The following CACNA2D3 variants were observed in gnomAD, a reference collection of about 807,000 sequenced individuals.
CACNA2D3 encodes the protein calcium voltage-gated channel auxiliary subunit alpha2delta 3, also known as voltage-dependent calcium channel subunit alpha-2/delta-3.
In CACNA2D3, 60 loss-of-function variants were observed where a neutral mutation model predicts 160.6. The observed-to-expected ratio is 0.37, with a 90% confidence interval of 0.30 to 0.46. The LOEUF is 0.46. CACNA2D3 is among the 20% of genes least tolerant of loss of function. The pLI is 1.00. For missense variants in CACNA2D3, 1,205 were observed against 1,365.0 expected (o/e 0.88, Z 1.85); for synonymous variants, 558 against 492.9 (o/e 1.13, Z -1.75).
intron 11 of CACNA2D3, among the ~76,000 whole-genome samples, chr3:54,725,499 A>G (rs1701259244): frequency 6.6e-6 from 1 of 152,220 alleles, no homozygotes; most frequent in African/African-American, 2.4e-5. Flanking sequence ...ATTAACATTG[A>G]TGCAAAAATC....
rs542377313 is a variant in CACNA2D3, at chr3:54,261,154, G to A, written c.205-59288G>A. ...TCCTCTGAGCCATGGCACCATTTAA[G>A]TAAGTTAAACAATTTATTTTAGCAT... On this transcript the variant is annotated intron_variant, in intron 2 of 37. Transcript: ENST00000474759. Among the ~76,000 whole-genome samples the A allele has an allele frequency of 3.9e-4, 59 of 152,272 alleles. 1 individual carries two copies. The highest frequency in any genetic ancestry group is 1.3e-3 in the African/African-American group (56 of 41,568).
intron 17 of CACNA2D3, among the ~76,000 whole-genome samples, chr3:54,871,177 G>T (rs935739096): frequency 7.7e-6 from 1 of 130,706 alleles, no homozygotes; most frequent in African/African-American, 3.4e-5. Flanking sequence ...TACCATATAG[G>T]TGGAGACACA....
chr3:54,618,370 T>C (rs1698903069), intron 9 of CACNA2D3, among the ~76,000 whole-genome samples: 1 of 82,286 alleles, frequency 1.2e-5, no homozygotes, highest in African/African-American at 5.6e-5. Context: ...TATATATATA[T>C]ATATGCACAC....
chr3:54,410,520 A>G (rs1699649048), intron 4 of CACNA2D3, among the ~76,000 whole-genome samples: 2 of 152,158 alleles, frequency 1.3e-5, no homozygotes, highest in Admixed American at 1.3e-4. Context: ...GTTATGCTAA[A>G]TCTACCATAC....
intron 31 of CACNA2D3, among the ~76,000 whole-genome samples, chr3:54,994,678 C>T (rs1293439447): frequency 6.6e-6 from 1 of 152,150 alleles, no homozygotes; most frequent in Non-Finnish European, 1.5e-5. Context: ...ACATGCATTA[C>T]CTTAATTAAT....
chr3:54,456,293 A>C (rs994072358), intron 4 of CACNA2D3, among the ~76,000 whole-genome samples: 1 of 151,730 alleles, frequency 6.6e-6, no homozygotes, highest in Admixed American at 6.6e-5. Context: ...ATTTATTCTT[A>C]AGTATTTTAT....
Position 54,503,645 on chromosome 3 carries a change from T to C in CACNA2D3, c.535T>C (p.Tyr179His). ...LSDVQVPTNM[Y>H]NKDPAIVNGV... ...TGACGTCCAAGTACCAACGAACATGTACAACAAAGGTAAGACTCCCAGCCA... is the reference window on the plus strand; with the variant it reads ...TGACGTCCAAGTACCAACGAACATGCACAACAAAGGTAAGACTCCCAGCCA... The change falls in exon 5 of 38, where the codon TAC (tyrosine) becomes CAC (histidine). Residue 179 changes from tyrosine (Y) to histidine (H), a missense_variant. Coordinates refer to ENST00000474759, the MANE Select transcript of CACNA2D3 (RefSeq NM_018398.3). 6.2e-7 allele frequency: 1 copy of C among 1,613,684 alleles called. No homozygotes were observed. The highest frequency in any genetic ancestry group is 8.5e-7 in the Non-Finnish European group (1 of 1,179,680).
chr3:54,765,418 A>G (rs556933955), intron 13 of CACNA2D3, among the ~76,000 whole-genome samples: 88 of 152,324 alleles, frequency 5.8e-4, no homozygotes, highest in African/African-American at 2.0e-3. Flanking sequence ...GTTGAGCTGA[A>G]AAGGCTTCTC....
intron 27 of CACNA2D3, among the ~76,000 whole-genome samples, chr3:54,917,580 G>T (rs979548627): frequency 1.3e-5 from 2 of 152,184 alleles, no homozygotes; most frequent in African/African-American, 2.4e-5. Flanking sequence ...CACTCTGTGC[G>T]CTATGTATGC....
At chr3:54,931,094 TCAAAA>T (rs889628672) in intron 27 of CACNA2D3, among the ~76,000 whole-genome samples, 14 of 152,268 alleles carry the variant, frequency 9.2e-5, no homozygotes, top group Admixed American at 6.5e-4. Context: ...AGACTCCTTC[TCAAAA>T]CAAAACAAAA....
intron 2 of CACNA2D3, among the ~76,000 whole-genome samples, chr3:54,128,032 A>G (rs1403446405): frequency 6.6e-6 from 1 of 152,066 alleles, no homozygotes; most frequent in African/African-American, 2.4e-5. Context: ...TCAGGAGACC[A>G]ACAGATGCTA....
At chr3:54,746,464 G>A (rs1161070436) in intron 11 of CACNA2D3, among the ~76,000 whole-genome samples, 1 of 152,196 alleles carries the variant, frequency 6.6e-6, no homozygotes, top group Non-Finnish European at 1.5e-5. Context: ...GAATAACTGA[G>A]TTGGGCAGTG....
At chr3:54,781,843 A>C (rs1702543690) in intron 13 of CACNA2D3, among the ~76,000 whole-genome samples, 1 of 152,204 alleles carries the variant, frequency 6.6e-6, no homozygotes. Context: ...CATCAGAGCA[A>C]ATGCATTATT....
intron 5 of CACNA2D3, among the ~76,000 whole-genome samples, chr3:54,533,028 A>AT (rs963474357): frequency 6.6e-6 from 1 of 151,936 alleles, no homozygotes; most frequent in Non-Finnish European, 1.5e-5. Context: ...TGTGGCTTTA[A>AT]TTTGCATTTC....
chr3:54,385,551 T>TG (rs1211777719), intron 3 of CACNA2D3, among the ~76,000 whole-genome samples: 1 of 152,196 alleles, frequency 6.6e-6, no homozygotes, highest in African/African-American at 2.4e-5. Context: ...TCTCTGTCTG[T>TG]GGGCAGCACT....
chr3:54,517,441 T>C (rs1009621023), intron 5 of CACNA2D3, among the ~76,000 whole-genome samples: 1 of 152,118 alleles, frequency 6.6e-6, no homozygotes, highest in Admixed American at 6.5e-5. Flanking sequence ...TGTGTGTGAT[T>C]GGTAAATGAC....
chr3:54,620,047 C>T (rs1698948199), intron 9 of CACNA2D3, among the ~76,000 whole-genome samples: 1 of 152,122 alleles, frequency 6.6e-6, no homozygotes, highest in African/African-American at 2.4e-5. Context: ...CCCTTTGAGC[C>T]TCTGAAAAAT....
chr3:54,255,186 G>A (rs1226333231), intron 2 of CACNA2D3, among the ~76,000 whole-genome samples: 1 of 152,172 alleles, frequency 6.6e-6, no homozygotes, highest in Non-Finnish European at 1.5e-5. Context: ...TGTTTATAGA[G>A]CTAAGGAGAG....
intron 9 of CACNA2D3, among the ~76,000 whole-genome samples, chr3:54,618,316 G>A (rs1429341229): frequency 2.1e-5 from 3 of 143,440 alleles, no homozygotes; most frequent in African/African-American, 7.7e-5. Flanking sequence ...TCACTAGTAG[G>A]GGACTGGTCA....
Sources: allele counts gnomAD v4.1 joint callset (sites outside exome capture counted in the v4.1 genomes callset), GRCh38; gene constraint gnomAD v4.1.1; transcripts MANE v1.5; gene names NCBI Gene and HGNC (gene_info 2026-07-23, HGNC 2026-07-21).